MEI1: variants seen among roughly 807,000 people sequenced by gnomAD.
MEI1 encodes the protein meiosis inhibitor protein 1.
Under a neutral mutation model 146.2 loss-of-function variants are expected in MEI1, and 103 were observed. The ratio of observed to expected loss-of-function variants is 0.70; its 90% CI spans 0.60 to 0.83. MEI1 has a LOEUF of 0.83. Among genes scored for constraint, MEI1 ranks in the 40% least tolerant of loss-of-function variants. The pLI is 0.00. For synonymous variants in MEI1, 652 were observed against 628.2 expected (o/e 1.04, Z -0.57); for missense variants, 1,529 against 1,533.0 (o/e 1.00, Z 0.04).
In MEI1 at chr22:41,740,033, T is replaced by TG. The variant is rs954504993; in HGVS notation, c.1332-3039dup. Among the ~76,000 whole-genome samples the TG allele has an allele frequency of 1.1e-3, 164 of 147,866 alleles. 1 individual carries two copies. Among genetic ancestry groups the TG allele is most frequent in the Non-Finnish European group, 1.8e-3 (123 of 66,556 alleles). ...TTGGATTATTTTACTTTTTTTTTGG[T>TG]GGGGGGGGTGGAGTCTCGCTCTGTT... is the stretch of plus-strand genomic sequence containing the variant. On this transcript the variant is annotated intron_variant, in intron 11 of 30. Transcript: ENST00000401548.
At chr22:41,734,884 G>A (rs773386424) in intron 11 of MEI1, among the ~76,000 whole-genome samples, 1 of 151,722 alleles carries the variant, frequency 6.6e-6, no homozygotes, top group Non-Finnish European at 1.5e-5. Context: ...TGATCCACCT[G>A]TGTCGGCTTC....
chr22:41,755,968 C>T (rs1023718184), intron 17 of MEI1, among the ~76,000 whole-genome samples: 1 of 152,094 alleles, frequency 6.6e-6, no homozygotes, highest in African/African-American at 2.4e-5. Context: ...CTCATCCACT[C>T]ACTGCTGGAA....
rs2076495654 is a variant in MEI1 at position 41,799,394 on chromosome 22, C to T, written c.*95C>T. 1 of 1,114,298 alleles carries T rather than the reference C, an allele frequency of 9.0e-7. No individual in the cohort carries two copies. Among genetic ancestry groups the T allele is most frequent in the South Asian group, 1.3e-5 (1 of 77,426 alleles). The allele number at this position is 1,114,298 out of a possible 1,614,324, so 69.0% of individuals were successfully genotyped here. ...GAAATGGATGACAGCTGAAGCTATT[C>T]ATATGGAGCCATATACTCTATTGTT... On this transcript the variant is annotated 3_prime_UTR_variant, in exon 31 of 31. Transcript: ENST00000401548.
intron 6 of MEI1, among the ~76,000 whole-genome samples, chr22:41,718,518 T>C (rs2070426566): frequency 6.6e-6 from 1 of 152,196 alleles, no homozygotes; most frequent in Non-Finnish European, 1.5e-5. Flanking sequence ...CTGCCTTTAC[T>C]GCCTGCCCTG....
intron 26 of MEI1, among the ~76,000 whole-genome samples, chr22:41,791,872 A>G (rs2076194871): frequency 6.6e-6 from 1 of 152,238 alleles, no homozygotes; most frequent in Non-Finnish European, 1.5e-5. Flanking sequence ...CATTAAGTGA[A>G]AGAAGTCAGA....
At position 41,705,559 on chromosome 22, in the gene MEI1, G is replaced by A. The variant is rs1402868991; in HGVS notation, c.349+5G>A. ...TGACAGACCTCTGTATTGAAGGTAAGTTGAAACCTTGTATCTAGCACTTGA... is the reference window on the plus strand; with the variant it reads ...TGACAGACCTCTGTATTGAAGGTAAATTGAAACCTTGTATCTAGCACTTGA... On this transcript the variant is annotated splice_donor_5th_base_variant and intron_variant, in intron 3 of 30. Transcript: ENST00000401548. 1.9e-6 allele frequency: 3 copies of A among 1,612,054 alleles called. No individual in the cohort carries two copies. Among genetic ancestry groups the A allele is most frequent in the South Asian group, 2.2e-5 (2 of 91,044 alleles).
intron 7 of MEI1, 102 bp downstream of exon 7, chr22:41,724,175 G>T: frequency 7.0e-7 from 1 of 1,437,336 alleles, no homozygotes; most frequent in Non-Finnish European, 9.4e-7. Flanking sequence ...AGATTTCCAA[G>T]TGTTTTCTTA....
chr22:41,701,248 G>A (rs1215122550), intron 1 of MEI1, among the ~76,000 whole-genome samples: 1 of 151,894 alleles, frequency 6.6e-6, no homozygotes, highest in Non-Finnish European at 1.5e-5. Context: ...CAAACAGCTG[G>A]ATTTTTATCT....
chr22:41,720,697 C>G (rs192116766), intron 6 of MEI1, among the ~76,000 whole-genome samples: 1 of 151,694 alleles, frequency 6.6e-6, no homozygotes, highest in African/African-American at 2.4e-5. Context: ...CCCGGGTTCA[C>G]GCCATTCTCC....
At chr22:41,769,779 A>G (rs976342539) in intron 19 of MEI1, among the ~76,000 whole-genome samples, 1 of 151,620 alleles carries the variant, frequency 6.6e-6, no homozygotes, top group African/African-American at 2.4e-5. Context: ...GCCTCATACT[A>G]AGAAATTTGA....
At chr22:41,767,431 G>A (rs1327633699) in intron 19 of MEI1, 2 of 335,576 alleles carry the variant, frequency 6.0e-6, no homozygotes, top group Non-Finnish European at 1.3e-5. Flanking sequence ...TTGAGCCTTT[G>A]TGGAAGCAGT....
chr22:41,753,929 T>C lies in MEI1; in HGVS notation c.1854-20T>C. 6.5e-7 allele frequency: 1 copy of C among 1,543,048 alleles called. No homozygotes were observed. Among genetic ancestry groups the C allele is most frequent in the Non-Finnish European group, 9.0e-7 (1 of 1,115,434 alleles). Reference sequence around the variant, plus strand: ...AGTAGCAATGTCATCTCTTCTATTCTTTCTTCTTCTCCCTCTAAGTCACTC... The same window carrying C: ...AGTAGCAATGTCATCTCTTCTATTCCTTCTTCTTCTCCCTCTAAGTCACTC... On this transcript the variant is annotated intron_variant, in intron 16 of 30. Transcript: ENST00000401548.
At position 41,781,289 on chromosome 22, in the gene MEI1, A is replaced by G. The variant is rs763311125; in HGVS notation, c.2821A>G (p.Lys941Glu). The G allele has an allele frequency of 2.5e-6, 4 of 1,610,786 alleles. No individual in the cohort carries two copies. The Admixed American group carries it at 5.0e-5, about 20-fold the overall frequency. The change falls in exon 23 of 31, where the codon AAG becomes GAG. Residue 941 changes from lysine to glutamate, a missense_variant. Physicochemically the swap from Lys to Glu is moderately conservative, Grantham distance 56. Transcript: ENST00000401548. ...GGGACTTTCATCTCTTGCAGTAAGCAAGCTGTGTGGGAAGTGCAGCCCCAC... is the reference window on the plus strand; with the variant it reads ...GGGACTTTCATCTCTTGCAGTAAGCGAGCTGTGTGGGAAGTGCAGCCCCAC... The part of the protein sequence containing the change: ...VAMKLLHQVS[K>E]LCGKCSPTDV...
At chr22:41,734,205 A>G (rs530190538) in intron 11 of MEI1, among the ~76,000 whole-genome samples, 1 of 152,356 alleles carries the variant, frequency 6.6e-6, no homozygotes, top group South Asian at 2.1e-4. Context: ...ATACTATACC[A>G]TTTTATGTAA....
chr22:41,710,915 T>C (rs2069494715), intron 3 of MEI1, among the ~76,000 whole-genome samples: 1 of 152,210 alleles, frequency 6.6e-6, no homozygotes, highest in South Asian at 2.1e-4. Flanking sequence ...GTCCGTGTTG[T>C]TGAGCCCAGC....
At chr22:41,714,353 G>A (rs17002626) in intron 4 of MEI1, among the ~76,000 whole-genome samples, 10,107 of 152,046 alleles carry the variant, frequency 0.066, 1,081 homozygotes, top group African/African-American at 0.23. Flanking sequence ...TTCATTTTCC[G>A]TGACTTCCTA....
intron 18 of MEI1, 159 bp downstream of exon 18, chr22:41,758,692 A>C (rs2074260797): frequency 1.3e-6 from 1 of 742,884 alleles, no homozygotes; most frequent in Non-Finnish European, 2.1e-6. Context: ...CATATCTTAG[A>C]AGTGGGTTAG....
At chr22:41,751,995 G>A (rs1243655697) in intron 15 of MEI1, among the ~76,000 whole-genome samples, 2 of 151,896 alleles carry the variant, frequency 1.3e-5, no homozygotes, top group Admixed American at 6.6e-5. Context: ...ACTTGAACCC[G>A]GGAGGTGGAG....
chr22:41,723,881 C>T, intron 6 of MEI1, 62 bp from the exon 7 acceptor site: 1 of 1,541,146 alleles, frequency 6.5e-7, no homozygotes, highest in Non-Finnish European at 8.8e-7. Flanking sequence ...GAGGGGCTAT[C>T]TTGGGAGTAC....
Sources: allele counts gnomAD v4.1 joint callset (sites outside exome capture counted in the v4.1 genomes callset), GRCh38; gene constraint gnomAD v4.1.1; transcripts MANE v1.5; gene names NCBI Gene and HGNC (gene_info 2026-07-23, HGNC 2026-07-21).